CHST12: variants seen among roughly 807,000 people sequenced by gnomAD.
The protein encoded by CHST12 is carbohydrate (chondroitin 4) sulfotransferase 12.
Under a neutral mutation model 27.9 loss-of-function variants are expected in CHST12, and 23 were observed. The observed-to-expected ratio is 0.82, with a 90% confidence interval of 0.59 to 1.17. CHST12 has a LOEUF of 1.17. Among genes scored for constraint, CHST12 ranks in the 50% most tolerant of loss-of-function variants. CHST12 has a pLI of 0.00. For synonymous variants in CHST12, 322 were observed against 273.0 expected (o/e 1.18, Z -1.77); for missense variants, 682 against 603.0 (o/e 1.13, Z -1.37).
chr7:2,409,114 C>T (rs778326120), intron 1 of CHST12, among the ~76,000 whole-genome samples: 11 of 152,184 alleles, frequency 7.2e-5, no homozygotes, highest in Non-Finnish European at 1.0e-4. Context: ...CAAGGCGCAG[C>T]TGTGGATAGC....
intron 1 of CHST12, among the ~76,000 whole-genome samples, chr7:2,427,582 C>A (rs547866827): frequency 3.9e-5 from 6 of 152,078 alleles, no homozygotes; most frequent in Admixed American, 2.0e-4. Context: ...GCCACCCCCC[C>A]CTACAGAGAT....
chr7:2,406,346 G>A (rs1781522149), intron 1 of CHST12, among the ~76,000 whole-genome samples: 1 of 147,772 alleles, frequency 6.8e-6, no homozygotes, highest in African/African-American at 2.5e-5. Flanking sequence ...AAGAATGGGA[G>A]ACAGGTACAG....
chr7:2,424,825 A>G (rs973768561), intron 1 of CHST12, among the ~76,000 whole-genome samples: 1 of 152,092 alleles, frequency 6.6e-6, no homozygotes, highest in African/African-American at 2.4e-5. Context: ...CCCTTCCACA[A>G]GATGCTGTGG....
chr7:2,427,362 C>G (rs1009557456), intron 1 of CHST12, among the ~76,000 whole-genome samples: 10 of 151,824 alleles, frequency 6.6e-5, no homozygotes, highest in Non-Finnish European at 1.3e-4. Flanking sequence ...TTAGCCCGGC[C>G]CAGTGGTGTG....
chr7:2,433,900 T>C lies in CHST12; in HGVS notation c.*16T>C, dbSNP rs1427347786. ...CCGAGACTGAAAGCTTTCGCGTTGC[T>C]TTTTCTCGCGTGCCTGGAACCTGAC... On this transcript the variant is annotated 3_prime_UTR_variant, in exon 2 of 2. Coordinates refer to ENST00000618655, the MANE Select transcript of CHST12 (RefSeq NM_018641.5). This position sits in a 1 kb window ranked among gnomAD's most constrained non-coding sequence, Gnocchi z 6.1. 9.1e-6 allele frequency: 14 copies of C among 1,543,660 alleles called. No homozygotes were observed. In the African/African-American group the frequency reaches 1.5e-4, roughly 17 times the overall value.
chr7:2,409,023 C>G (rs984980624), intron 1 of CHST12, among the ~76,000 whole-genome samples: 1 of 152,160 alleles, frequency 6.6e-6, no homozygotes, highest in Non-Finnish European at 1.5e-5. Flanking sequence ...CTAAACAAAG[C>G]AAATGAAAAC....
At chr7:2,428,870 C>T (rs549576940) in intron 1 of CHST12, among the ~76,000 whole-genome samples, 1 of 152,230 alleles carries the variant, frequency 6.6e-6, no homozygotes, top group Admixed American at 6.5e-5. Flanking sequence ...CCAGTTAGAC[C>T]AGAAATTCTC....
rs747611968 is a variant in CHST12, at chr7:2,432,895, AAGG to A, written c.259_261del (p.Glu87del). On this transcript the variant is annotated inframe_deletion, in exon 2 of 2. Coordinates refer to ENST00000618655, the MANE Select transcript of CHST12 (RefSeq NM_018641.5). The stretch of plus-strand genomic sequence containing the variant: ...CGTGAAGCAGAGCGACCTTCCCAGA[AAGG>A]AGACGGAGCAGCCGCCTGCGCCGGG... The A allele has an allele frequency of 6.2e-7, 1 of 1,613,398 alleles. No individual in the cohort carries two copies. Among genetic ancestry groups the A allele is most frequent in the Non-Finnish European group, 8.5e-7 (1 of 1,179,850 alleles).
intron 1 of CHST12, 120 bp downstream of exon 1, chr7:2,403,793 C>G (rs1227545480): frequency 2.0e-5 from 3 of 152,868 alleles, no homozygotes; most frequent in Non-Finnish European, 4.4e-5. Context: ...GTCGGCTCTC[C>G]TTAACCTGGC....
chr7:2,424,877 G>A (rs1304854363), intron 1 of CHST12, among the ~76,000 whole-genome samples: 1 of 152,158 alleles, frequency 6.6e-6, no homozygotes, highest in Non-Finnish European at 1.5e-5. Context: ...GTTGTAATCA[G>A]GGTGCCCCCG....
intron 1 of CHST12, among the ~76,000 whole-genome samples, chr7:2,414,519 A>G (rs1781755628): frequency 6.6e-6 from 1 of 152,108 alleles, no homozygotes; most frequent in African/African-American, 2.4e-5. Context: ...TCCTTACCTC[A>G]GGTGATCCAC....
At position 2,433,188 on chromosome 7, in the gene CHST12, C is replaced by T. The variant is rs150939856; in HGVS notation, c.549C>T (p.Ile183=). ...VACTNWKRVM[I]VLSGSLLHRG... ...GCACCAACTGGAAGCGCGTGATGAT[C>T]GTGCTGAGCGGAAGCCTGCTGCACC... The change falls in exon 2 of 2, where the codon ATC becomes ATT. Residue 183 remains isoleucine, a synonymous_variant. Transcript: ENST00000618655. The surrounding 1 kb of genome is among the most constrained non-coding windows in gnomAD (Gnocchi z 6.1). 15 of 1,612,878 alleles carry T rather than the reference C, an allele frequency of 9.3e-6. No individual in the cohort carries two copies. Among genetic ancestry groups the T allele is most frequent in the African/African-American group, 2.7e-5 (2 of 74,908 alleles).
intron 1 of CHST12, among the ~76,000 whole-genome samples, chr7:2,406,181 C>T (rs1322191764): frequency 6.6e-6 from 1 of 152,082 alleles, no homozygotes; most frequent in Non-Finnish European, 1.5e-5. Context: ...TAGTTTCACA[C>T]TTGCTTAGTG....
chr7:2,406,461 TGGGGGC>T (rs1401804313), intron 1 of CHST12, among the ~76,000 whole-genome samples: 1 of 4,758 alleles, frequency 2.1e-4, no homozygotes, highest in African/African-American at 1.2e-3. Flanking sequence ...GAGTACGGGG[TGGGGGC>T]ACAGTTGAGT....
rs1303066554 is a variant in CHST12 at position 2,445,534 on chromosome 7, G to A, written c.*11650G>A. 3.3e-5 allele frequency: 5 copies of A among 152,238 alleles called. No homozygotes were observed. Among genetic ancestry groups the A allele is most frequent in the Middle Eastern group, 3.2e-3 (1 of 316 alleles). The allele number at this position is 152,238 out of a possible 1,614,324, so 9.4% of individuals were successfully genotyped here. On this transcript the variant is annotated 3_prime_UTR_variant, in exon 2 of 2. Transcript: ENST00000618655. ...CAACCTATGCCTCCCGGGTTCAAGTGGTTCTCATGCTTCAGCCTCCTGAGT... is the reference window on the plus strand; with the variant it reads ...CAACCTATGCCTCCCGGGTTCAAGTAGTTCTCATGCTTCAGCCTCCTGAGT...
Position 2,439,630 on chromosome 7 carries a change from G to C in CHST12, c.*5746G>C, listed in dbSNP as rs1164067786. 2 of 151,820 alleles carry C rather than the reference G, an allele frequency of 1.3e-5. No individual in the cohort carries two copies. Among genetic ancestry groups the C allele is most frequent in the East Asian group, 4.0e-4 (2 of 4,996 alleles). The allele number at this position is 151,820 out of a possible 1,614,324, so 9.4% of individuals were successfully genotyped here. A position where few individuals can be genotyped will look rare whatever the true frequency, so the allele number is the denominator to read the frequency against. On this transcript the variant is annotated 3_prime_UTR_variant, in exon 2 of 2. Coordinates refer to ENST00000618655, the MANE Select transcript of CHST12 (RefSeq NM_018641.5). Reference sequence around the variant, plus strand: ...TACGGTGGCTCATGCCTGTAATCCCGGCACTTTGGGAGGCCGAGGTGGGTG... The same window carrying C: ...TACGGTGGCTCATGCCTGTAATCCCCGCACTTTGGGAGGCCGAGGTGGGTG...
Position 2,440,859 on chromosome 7 carries a change from G to A in CHST12, c.*6975G>A, listed in dbSNP as rs1177255985. On this transcript the variant is annotated 3_prime_UTR_variant, in exon 2 of 2. Coordinates refer to ENST00000618655, the MANE Select transcript of CHST12 (RefSeq NM_018641.5). ...ATACTTCTTGTGCTGTCGTTTCTCC[G>A]GCCGTGTGAAGTTACCACCTCGTGA... 2.6e-5 allele frequency: 4 copies of A among 152,130 alleles called. No individual in the cohort carries two copies. The highest frequency in any genetic ancestry group is 5.9e-5 in the Non-Finnish European group (4 of 68,022). 9.4% of individuals were successfully genotyped at this position (152,130 alleles called of 1,614,324 possible).
chr7:2,448,365 C>T lies in CHST12; in HGVS notation c.*14481C>T, dbSNP rs968550980. ...ATTCTTATACCCGTCCGAATCTGCC[C>T]CCTGTTAATGGCACCCACCAGTCCT... On this transcript the variant is annotated 3_prime_UTR_variant, in exon 2 of 2. Transcript: ENST00000618655. The T allele has an allele frequency of 2.0e-5, 3 of 152,436 alleles. No homozygotes were observed. Among genetic ancestry groups the T allele is most frequent in the African/African-American group, 7.2e-5 (3 of 41,560 alleles). 9.4% of individuals were successfully genotyped at this position (152,436 alleles called of 1,614,324 possible). A position where few individuals can be genotyped will look rare whatever the true frequency, so the allele number is the denominator to read the frequency against.
At chr7:2,432,518 C>T (rs935890142) in intron 1 of CHST12, 45 bp from the exon 2 acceptor site, 2 of 1,148,770 alleles carry the variant, frequency 1.7e-6, no homozygotes, top group Non-Finnish European at 2.4e-6. Context: ...GAGTCAGAGC[C>T]CCAGTGCACC....
Sources: gnomAD v4.1 joint callset for allele counts (sites outside exome capture counted in the v4.1 genomes callset) on GRCh38, gnomAD v4.1.1 for gene constraint, Gnocchi (gnomAD v3.1) non-coding constraint, MANE v1.5 for transcripts, NCBI Gene and HGNC (gene_info 2026-07-23, HGNC 2026-07-21) for gene names.